The following ESR1 variants were observed in gnomAD, a reference collection of about 807,000 sequenced individuals.
ESR1 encodes estrogen receptor 1.
ESR1 carries 12 observed loss-of-function variants against 52.7 expected under a neutral mutation model. The observed-to-expected ratio is 0.23, with a 90% CI of 0.15 to 0.37. The LOEUF is 0.37. Ranked by LOEUF, ESR1 falls within the 10% of genes least tolerant of loss-of-function variation. The probability of loss-of-function intolerance (pLI) is 1.00; values close to 1 mark genes in which losing one functional copy is unlikely to be tolerated. For missense variants in ESR1, 584 were observed against 779.7 expected (o/e 0.75, Z 2.99); for synonymous variants, 305 against 316.8 (o/e 0.96, Z 0.39).
downstream of ESR1, among the ~76,000 whole-genome samples, chr6:152,108,245 G>A (rs573245292): frequency 1.3e-5 from 2 of 152,268 alleles, no homozygotes; most frequent in African/African-American, 4.8e-5. Context: ...ACCAAATCAA[G>A]TGAGCTCCCC....
At chr6:151,802,738 C>T (rs1000702586), upstream of ESR1, among the ~76,000 whole-genome samples, 3 of 152,190 alleles carry the variant, frequency 2.0e-5, no homozygotes, top group East Asian at 3.8e-4. Flanking sequence ...CCTATAATCC[C>T]AGCACTTTGG....
At chr6:151,691,793 T>C (rs1444535753) in intron 1 of ESR1, among the ~76,000 whole-genome samples, 2 of 152,218 alleles carry the variant, frequency 1.3e-5, no homozygotes, top group Non-Finnish European at 2.9e-5. Flanking sequence ...TTGAGAACCA[T>C]GGATGGTTCA....
intron 4 of ESR1, among the ~76,000 whole-genome samples, chr6:151,978,523 C>T (rs2039681151): frequency 6.6e-6 from 1 of 152,080 alleles, no homozygotes; most frequent in Non-Finnish European, 1.5e-5. Flanking sequence ...CAGAAACCTA[C>T]AATTTGCAAG....
chr6:151,804,628 C>T (rs1427027760), upstream of ESR1: 2 of 152,202 alleles, frequency 1.3e-5, no homozygotes, highest in Non-Finnish European at 2.9e-5. Context: ...ATGATGGCAT[C>T]ATTAACATTT....
upstream of ESR1, among the ~76,000 whole-genome samples, chr6:151,686,450 C>T (rs1323820770): frequency 6.6e-6 from 1 of 152,230 alleles, no homozygotes; most frequent in East Asian, 1.9e-4. Context: ...TTTTGGGAGG[C>T]CGAGGCGGCC....
At chr6:152,020,207 A>G (rs1481483695) in intron 5 of ESR1, among the ~76,000 whole-genome samples, 1 of 152,194 alleles carries the variant, frequency 6.6e-6, no homozygotes, top group African/African-American at 2.4e-5. Context: ...CAGAGTATTT[A>G]GTATAACTAG....
upstream of ESR1, among the ~76,000 whole-genome samples, chr6:151,799,708 C>T (rs982123817): frequency 6.6e-6 from 1 of 152,110 alleles, no homozygotes; most frequent in Non-Finnish European, 1.5e-5. Context: ...TAGGGAGATA[C>T]GAGCATTTAT....
At chr6:151,774,288 T>C (rs962760660) in intron 2 of ESR1, among the ~76,000 whole-genome samples, 2 of 152,256 alleles carry the variant, frequency 1.3e-5, no homozygotes, top group Non-Finnish European at 2.9e-5. Context: ...TTTGGTGAAG[T>C]ATAGCATATC....
intron 6 of ESR1, among the ~76,000 whole-genome samples, chr6:152,092,809 G>A (rs181358002): frequency 2.5e-4 from 38 of 152,082 alleles, no homozygotes; most frequent in Middle Eastern, 3.4e-3. Context: ...CTTACTTCAC[G>A]GTCACTCATT....
At chr6:151,898,864 T>G (rs1280530169) in intron 3 of ESR1, among the ~76,000 whole-genome samples, 1 of 152,204 alleles carries the variant, frequency 6.6e-6, no homozygotes, top group Non-Finnish European at 1.5e-5. Flanking sequence ...CCCCTTTCTA[T>G]TCCACAAAAC....
At chr6:151,748,550 C>T (rs1783658339) in intron 2 of ESR1, among the ~76,000 whole-genome samples, 3 of 152,166 alleles carry the variant, frequency 2.0e-5, no homozygotes, top group Admixed American at 6.5e-5. Flanking sequence ...ATCCACAAGA[C>T]ATACAATTGT....
intron 1 of ESR1, among the ~76,000 whole-genome samples, chr6:151,661,625 G>A (rs1297461882): frequency 6.6e-6 from 1 of 152,220 alleles, no homozygotes; most frequent in African/African-American, 2.4e-5. Context: ...TCTGTGGCCT[G>A]TTTGGGCACT....
chr6:151,792,974 T>C (rs942637198), intron 2 of ESR1, among the ~76,000 whole-genome samples: 1 of 151,916 alleles, frequency 6.6e-6, no homozygotes, highest in African/African-American at 2.4e-5. Context: ...ATCGAGACCA[T>C]CCTGGCTAAC....
rs776542572 is a variant in ESR1, at chr6:152,098,713, T to G, written c.1554-19T>G. 6.2e-7 allele frequency: 1 copy of G among 1,608,110 alleles called. No homozygotes were observed. Among genetic ancestry groups the G allele is most frequent in the Admixed American group, 1.7e-5 (1 of 59,896 alleles). ...GGGTTGGCTCTAAAGTAGTCCTTTCTGTGTCTTCCCACCTACAGTAACAAA... is the reference window on the plus strand; with the variant it reads ...GGGTTGGCTCTAAAGTAGTCCTTTCGGTGTCTTCCCACCTACAGTAACAAA... On this transcript the variant is annotated intron_variant, in intron 7 of 7. Coordinates refer to ENST00000206249, the MANE Select transcript of ESR1 (RefSeq NM_000125.4). The surrounding 1 kb of genome is among the most constrained non-coding windows in gnomAD (Gnocchi z 5.1).
chr6:152,123,588 G>C (rs978779246), intron 6 of ESR1, among the ~76,000 whole-genome samples: 2 of 152,138 alleles, frequency 1.3e-5, no homozygotes, highest in African/African-American at 4.8e-5. Context: ...TTTTCTTTTT[G>C]TGAACAGCCA....
At chr6:151,967,960 T>C (rs1390923464) in intron 4 of ESR1, among the ~76,000 whole-genome samples, 1 of 152,240 alleles carries the variant, frequency 6.6e-6, no homozygotes, top group Non-Finnish European at 1.5e-5. Context: ...TTTCATATGT[T>C]TGTTGGCCTC....
intron 1 of ESR1, among the ~76,000 whole-genome samples, chr6:151,841,199 C>T (rs1784226344): frequency 6.6e-6 from 1 of 152,216 alleles, no homozygotes; most frequent in Admixed American, 6.5e-5. Flanking sequence ...CTTCAGTCTA[C>T]ACGAGGCCTT....
At chr6:151,730,942 C>A (rs1782192722) in intron 2 of ESR1, among the ~76,000 whole-genome samples, 1 of 152,188 alleles carries the variant, frequency 6.6e-6, no homozygotes, top group Non-Finnish European at 1.5e-5. Context: ...TACAACTAAT[C>A]ATAAAAAAGA....
intron 6 of ESR1, among the ~76,000 whole-genome samples, chr6:152,064,825 A>C (rs1337551969): frequency 2.0e-5 from 3 of 152,220 alleles, no homozygotes; most frequent in Admixed American, 2.0e-4. Flanking sequence ...GAGGACCTGG[A>C]AAGTCCTCAT....
Sources: gnomAD v4.1 joint callset for allele counts (sites outside exome capture counted in the v4.1 genomes callset) on GRCh38, gnomAD v4.1.1 for gene constraint, Gnocchi (gnomAD v3.1) non-coding constraint, MANE v1.5 for transcripts, NCBI Gene and HGNC (gene_info 2026-07-23, HGNC 2026-07-21) for gene names.